NSL1: variants seen among roughly 807,000 people sequenced by gnomAD.
NSL1 encodes the protein NSL1 component of MIS12 kinetochore complex.
A neutral mutation model predicts 25.4 loss-of-function variants in NSL1; 11 were observed. The observed-to-expected ratio is 0.43, with a 90% CI of 0.27 to 0.72. The LOEUF (loss-of-function observed/expected upper bound fraction) is 0.72, where lower values mean the gene tolerates loss of function less well. Ranked by LOEUF, NSL1 falls within the 30% of genes least tolerant of loss-of-function variation. The pLI is 0.19. For synonymous variants in NSL1, 118 were observed against 120.6 expected, an observed-to-expected ratio of 0.98 and a Z score of 0.14; for missense variants, 330 against 342.7, an observed-to-expected ratio of 0.96 and a Z score of 0.29.
At chr1:212,777,235 G>A (rs1046312298) in intron 4 of NSL1, among the ~76,000 whole-genome samples, 15 of 151,976 alleles carry the variant, frequency 9.9e-5, no homozygotes, top group African/African-American at 3.4e-4. Flanking sequence ...TAACTAGCCA[G>A]GCATGGTGAC....
chr1:212,745,087 G>T (rs1248546146), intron 4 of NSL1, among the ~76,000 whole-genome samples: 2 of 143,280 alleles, frequency 1.4e-5, no homozygotes, highest in Non-Finnish European at 3.1e-5. Context: ...AGTGAGCCAA[G>T]ATTGTGCCAC....
In NSL1 at chr1:212,734,104, A is replaced by C. The variant is rs1658138127; in HGVS notation, c.*4304T>G. ...TTTCTTATTTACTGAACATTATTTA[A>C]TAGCATTCCGATTTTCCAAAAAATG... is the stretch of plus-strand genomic sequence containing the variant. On this transcript the variant is annotated 3_prime_UTR_variant, in exon 6 of 6. Coordinates refer to ENST00000366977, the MANE Select transcript of NSL1 (RefSeq NM_015471.4). 1.3e-5 allele frequency among the ~76,000 whole-genome samples: 2 copies of C among 152,162 alleles called. No individual in the cohort carries two copies. The highest frequency in any genetic ancestry group is 2.9e-5 in the Non-Finnish European group (2 of 68,040).
intron 4 of NSL1, among the ~76,000 whole-genome samples, chr1:212,751,356 T>C (rs756459891): frequency 6.6e-6 from 1 of 152,162 alleles, no homozygotes; most frequent in African/African-American, 2.4e-5. Flanking sequence ...CCTCCTTTTG[T>C]AGGTAAAGAA....
Position 212,791,750 on chromosome 1 carries a change from G to C in NSL1, c.14C>G (p.Pro5Arg). ...TGGAGGGTCAAGGACCACCAACTCA[G>C]GAGACCCCGCCATTTTTCGTCGGAA... MAGS[P>R]ELVVLDPPWD... Residue 5 changes from proline to arginine, a missense_variant, in exon 1 of 6, where the codon CCT becomes CGT. Transcript: ENST00000366977. The C allele has an allele frequency of 6.2e-7, 1 of 1,606,628 alleles. No homozygotes were observed. The highest frequency in any genetic ancestry group is 8.5e-7 in the Non-Finnish European group (1 of 1,175,628).
intron 2 of NSL1, among the ~76,000 whole-genome samples, chr1:212,786,869 T>A (rs183287832): frequency 2.6e-3 from 396 of 152,256 alleles, no homozygotes; most frequent in Non-Finnish European, 4.5e-3. Context: ...ATTTCATAGG[T>A]GCCTACTATG....
intron 4 of NSL1, among the ~76,000 whole-genome samples, chr1:212,774,662 TAA>T (rs1660272693): frequency 6.6e-6 from 1 of 152,228 alleles, no homozygotes; most frequent in Non-Finnish European, 1.5e-5. Context: ...ACTAGGTTGA[TAA>T]AAGAGCAGAC....
chr1:212,790,712 G>C (rs957376048), intron 1 of NSL1, among the ~76,000 whole-genome samples: 16 of 151,966 alleles, frequency 1.1e-4, no homozygotes, highest in African/African-American at 3.6e-4. Flanking sequence ...CACGAGGTCA[G>C]GAGATCGAGA....
intron 3 of NSL1, among the ~76,000 whole-genome samples, chr1:212,783,780 A>G (rs1038573621): frequency 3.9e-5 from 6 of 152,158 alleles, no homozygotes; most frequent in African/African-American, 1.4e-4. Flanking sequence ...ATTGATATCT[A>G]TAGTAATTAT....
Position 212,731,459 on chromosome 1 carries a change from C to T in NSL1, c.*6949G>A. On this transcript the variant is annotated 3_prime_UTR_variant, in exon 6 of 6. Transcript: ENST00000366977. ...GAAACCCTGAGAAAGCTTCTGAAAC[C>T]CTGAAAAACTGAAACCCCGAGAAAG... 1 of 985,254 alleles carries T rather than the reference C, an allele frequency of 1.0e-6. No individual in the cohort carries two copies. The highest frequency in any genetic ancestry group is 1.2e-6 in the Non-Finnish European group (1 of 829,888). 61.0% of individuals were successfully genotyped at this position (985,254 alleles called of 1,614,324 possible). A position where few individuals can be genotyped will look rare whatever the true frequency, so the allele number is the denominator to read the frequency against.
chr1:212,736,104 C>T lies in NSL1; in HGVS notation c.*2304G>A. The T allele has an allele frequency of 1.1e-6, 1 of 942,766 alleles. No homozygotes were observed. Among genetic ancestry groups the T allele is most frequent in the Non-Finnish European group, 1.3e-6 (1 of 791,240 alleles). 58.4% of individuals were successfully genotyped at this position (942,766 alleles called of 1,614,324 possible). A position where few individuals can be genotyped will look rare whatever the true frequency, so the allele number is the denominator to read the frequency against. Reference sequence around the variant, plus strand: ...CCAGGCTGGAGTACAGTGGTGCCATCCTGGCTCACTGCAACTTCTGCCTCC... The same window carrying T: ...CCAGGCTGGAGTACAGTGGTGCCATTCTGGCTCACTGCAACTTCTGCCTCC... On this transcript the variant is annotated 3_prime_UTR_variant, in exon 6 of 6. Coordinates refer to ENST00000366977, the MANE Select transcript of NSL1 (RefSeq NM_015471.4).
intron 4 of NSL1, among the ~76,000 whole-genome samples, chr1:212,779,524 C>CT: frequency 8.8e-6 from 1 of 113,216 alleles, no homozygotes; most frequent in African/African-American, 3.6e-5. Flanking sequence ...GTCAGCCCCC[C>CT]GCCCAGCCAG....
intron 4 of NSL1, among the ~76,000 whole-genome samples, chr1:212,744,006 GGTGGAAAA>G (rs140234715): frequency 9.3e-4 from 142 of 152,182 alleles, no homozygotes; most frequent in African/African-American, 3.3e-3. Context: ...ACTCTCTCAG[GGTGGAAAA>G]GTGGTTACCT....
At chr1:212,790,913 ACT>A (rs1489334271) in intron 1 of NSL1, among the ~76,000 whole-genome samples, 1 of 150,826 alleles carries the variant, frequency 6.6e-6, no homozygotes, top group East Asian at 1.9e-4. Context: ...ACAGAGCGAG[ACT>A]CTGTCTCAAA....
At position 212,775,989 on chromosome 1, in the gene NSL1, G is replaced by A. The variant is rs566240631; in HGVS notation, c.499+6383C>T. 1.1e-4 allele frequency among the ~76,000 whole-genome samples: 16 copies of A among 151,982 alleles called. No individual in the cohort carries two copies. The East Asian group carries it at 1.4e-3, about 13-fold the overall frequency. On this transcript the variant is annotated intron_variant, in intron 4 of 5. Coordinates refer to ENST00000366977, the MANE Select transcript of NSL1 (RefSeq NM_015471.4). ...ACTACAGGCGCCCACCACTGCGCCC[G>A]GCTAATTTTTCGTATTTTTAGTAGA...
chr1:212,766,220 C>G, intron 4 of NSL1: 1 of 661,850 alleles, frequency 1.5e-6, no homozygotes, highest in Non-Finnish European at 2.7e-6. Context: ...TATGACAAAT[C>G]CACAGCCAAC....
chr1:212,732,208 T>C lies in NSL1; in HGVS notation c.*6200A>G, dbSNP rs1658049974. 1.8e-5 allele frequency: 18 copies of C among 982,854 alleles called. No individual in the cohort carries two copies. Among genetic ancestry groups the C allele is most frequent in the Non-Finnish European group, 2.1e-5 (17 of 827,760 alleles). 60.9% of individuals were successfully genotyped at this position (982,854 alleles called of 1,614,324 possible). A position where few individuals can be genotyped will look rare whatever the true frequency, so the allele number is the denominator to read the frequency against. On this transcript the variant is annotated 3_prime_UTR_variant, in exon 6 of 6. Coordinates refer to ENST00000366977, the MANE Select transcript of NSL1 (RefSeq NM_015471.4). ...TTTGTTTCTTTGAACATCTTAATCA[T>C]ATTACAAAACATCTCCTTTATACAA...
rs552872940 is a variant in NSL1 at position 212,781,038 on chromosome 1, GC to G, written c.499+1333del. On this transcript the variant is annotated intron_variant, in intron 4 of 5. Coordinates refer to ENST00000366977, the MANE Select transcript of NSL1 (RefSeq NM_015471.4). ...AAAGATATAAAGCTAATAACTGTAG[GC>G]TAATTTTGCTCTCCTTAAGGAACTG... Among the ~76,000 whole-genome samples the G allele has an allele frequency of 2.4e-3, 364 of 152,252 alleles. 1 individual carries two copies. Among genetic ancestry groups the G allele is most frequent in the African/African-American group, 8.4e-3 (350 of 41,558 alleles).
At chr1:212,750,469 T>C (rs2102441936) in intron 4 of NSL1, among the ~76,000 whole-genome samples, 1 of 151,760 alleles carries the variant, frequency 6.6e-6, no homozygotes, top group Non-Finnish European at 1.5e-5. Context: ...GGATGAAAAT[T>C]TTGCACCAGG....
chr1:212,757,386 G>T (rs1030029552), intron 4 of NSL1, among the ~76,000 whole-genome samples: 4 of 152,260 alleles, frequency 2.6e-5, no homozygotes, highest in African/African-American at 9.6e-5. Context: ...GTGAAAAGTA[G>T]AACTGGATGG....
Sources: allele counts gnomAD v4.1 joint callset (sites outside exome capture counted in the v4.1 genomes callset), GRCh38; gene constraint gnomAD v4.1.1; transcripts MANE v1.5; gene names NCBI Gene and HGNC (gene_info 2026-07-23, HGNC 2026-07-21).